Variants in MBTPS2 observed in about 807,000 individuals in gnomAD.
MBTPS2 encodes the protein membrane bound transcription factor peptidase, site 2.
In MBTPS2, 2 loss-of-function variants were observed where a neutral mutation model predicts 35.4. The ratio of observed to expected loss-of-function variants is 0.06; its 90% CI spans 0.02 to 0.18. The LOEUF (loss-of-function observed/expected upper bound fraction) is 0.18. Among genes scored for constraint, MBTPS2 ranks in the 10% least tolerant of loss-of-function variants. MBTPS2 has a pLI of 1.00. For missense variants in MBTPS2, 244 were observed against 386.5 expected (o/e 0.63, Z 3.09); for synonymous variants, 125 against 140.4 (o/e 0.89, Z 0.77).
At chrX:21,869,949 A>G (rs2092945137) in intron 7 of MBTPS2, 1 of 284,591 alleles carries the variant, frequency 3.5e-6, no homozygotes, top group Non-Finnish European at 6.3e-6. Flanking sequence ...AAACACTTGT[A>G]TTAAATCATA....
chrX:21,849,940 C>T (rs750303295), intron 3 of MBTPS2, among the ~76,000 whole-genome samples: 90 of 103,435 alleles, frequency 8.7e-4, no homozygotes, highest in Non-Finnish European at 1.3e-3. Context: ...AGCAGGAGAA[C>T]GGCGTGAACC....
chrX:21,850,771 T>A (rs1018893315), intron 3 of MBTPS2, among the ~76,000 whole-genome samples: 1 of 112,047 alleles, frequency 8.9e-6, no homozygotes, highest in African/African-American at 3.2e-5. Flanking sequence ...TAGGAGCACA[T>A]GATTGTAAGA....
intron 10 of MBTPS2, 23 bp downstream of exon 10, chrX:21,880,995 T>A: frequency 9.1e-7 from 1 of 1,104,095 alleles, no homozygotes; most frequent in Non-Finnish European, 1.3e-6. Context: ...GTGTGAAACA[T>A]GTTTTAAAAG....
In MBTPS2 at chrX:21,868,522, C is replaced by T; in HGVS notation, c.726C>T (p.Leu242=). Reference sequence around the variant, plus strand: ...TGGGTATTTTAGCTCTTGTTCTCCTCCCAGTAATTCTCTTGCCATTTTACT... The same window carrying T: ...TGGGTATTTTAGCTCTTGTTCTCCTTCCAGTAATTCTCTTGCCATTTTACT... ...ALLGILALVL[L]PVILLPFYYT... Residue 242 remains leucine, a synonymous_variant, in exon 6 of 11, where the codon CTC becomes CTT. Coordinates refer to ENST00000379484, the MANE Select transcript of MBTPS2 (RefSeq NM_015884.4). The T allele has an allele frequency of 8.3e-7, 1 of 1,210,341 alleles. No homozygotes were observed. Among genetic ancestry groups the T allele is most frequent in the Non-Finnish European group, 1.1e-6 (1 of 894,338 alleles).
At chrX:21,879,949 CTTTTTT>C (rs60769329) in intron 9 of MBTPS2, among the ~76,000 whole-genome samples, 1 of 47,425 alleles carries the variant, frequency 2.1e-5, no homozygotes, top group African/African-American at 1.3e-4. Flanking sequence ...TTATGTTATT[CTTTTTT>C]TTTTTTTTTT....
chrX:21,881,421 A>G lies in MBTPS2; in HGVS notation c.1337+449A>G, dbSNP rs938655098. 2.5e-4 allele frequency among the ~76,000 whole-genome samples: 28 copies of G among 111,686 alleles called. 1 individual carries two copies. Among genetic ancestry groups the G allele is most frequent in the African/African-American group, 8.5e-4 (26 of 30,717 alleles). ...GCTGGTTTCAACTACTAAGATAGCA[A>G]TTCAGAGGGCCAAATCTTATTGTGG... is the stretch of plus-strand genomic sequence containing the variant. On this transcript the variant is annotated intron_variant, in intron 10 of 10. Coordinates refer to ENST00000379484, the MANE Select transcript of MBTPS2 (RefSeq NM_015884.4).
chrX:21,882,332 G>A lies in MBTPS2; in HGVS notation c.1338-101G>A, dbSNP rs978883868. The A allele has an allele frequency of 7.4e-5, 46 of 624,188 alleles. No individual in the cohort carries two copies. In the Admixed American group the frequency reaches 1.0e-3, roughly 14 times the overall value. The allele number at this position is 624,188 out of a possible 1,213,427, so 51.4% of individuals were successfully genotyped here. Reference sequence around the variant, plus strand: ...TTTAAAGAAAGTAGAGAAGTCAAGTGTAATCTCTAATTCAGTCACAGTAAA... The same window carrying A: ...TTTAAAGAAAGTAGAGAAGTCAAGTATAATCTCTAATTCAGTCACAGTAAA... On this transcript the variant is annotated intron_variant, in intron 10 of 10. Coordinates refer to ENST00000379484, the MANE Select transcript of MBTPS2 (RefSeq NM_015884.4).
At chrX:21,882,285 A>T (rs1310186047) in intron 10 of MBTPS2, 148 bp from the exon 11 acceptor site, 4 of 495,968 alleles carry the variant, frequency 8.1e-6, no homozygotes, top group Admixed American at 3.2e-5. Context: ...AGTAGTAGAG[A>T]TCTAAGAAGG....
chrX:21,871,452 C>A (rs952368937), intron 7 of MBTPS2: 2 of 111,757 alleles, frequency 1.8e-5, no homozygotes, highest in Non-Finnish European at 3.8e-5. Context: ...TCTAAGCAGT[C>A]CACTTTTAGG....
intron 5 of MBTPS2, among the ~76,000 whole-genome samples, chrX:21,859,171 T>G (rs896226609): frequency 1.1e-5 from 1 of 93,810 alleles, no homozygotes; most frequent in African/African-American, 4.6e-5. Flanking sequence ...TGTTTACAAT[T>G]TTTTTTTTAA....
At chrX:21,863,567 T>A (rs2092935850) in intron 5 of MBTPS2, among the ~76,000 whole-genome samples, 1 of 111,608 alleles carries the variant, frequency 9.0e-6, no homozygotes, top group African/African-American at 3.3e-5. Flanking sequence ...AGTAATTTTT[T>A]AAAAGCCAAT....
rs371913767 is a variant in MBTPS2, at chrX:21,851,534, A to G, written c.464A>G (p.Asn155Ser). The G allele has an allele frequency of 1.9e-5, 23 of 1,205,194 alleles. No homozygotes were observed. The highest frequency in any genetic ancestry group is 1.2e-5 in the Non-Finnish European group (11 of 891,307). The part of the protein sequence containing the change: ...VVVPGINLPV[N>S]QLTYFFTAVL... Reference sequence around the variant, plus strand: ...GTTCCTGGTATAAATTTACCCGTCAATCAACTGACCTATTTCTTCACGGCA... The same window carrying G: ...GTTCCTGGTATAAATTTACCCGTCAGTCAACTGACCTATTTCTTCACGGCA... Residue 155 changes from asparagine to serine, a missense_variant, in exon 4 of 11, where the codon AAT becomes AGT. Physicochemically the swap from Asn to Ser is conservative, Grantham distance 46 (BLOSUM62 1). Transcript: ENST00000379484.
At position 21,878,513 on chromosome X, in the gene MBTPS2, C is replaced by T; in HGVS notation, c.1082C>T (p.Ala361Val). The change falls in exon 9 of 11, where the codon GCC becomes GTC. Residue 361 changes from alanine to valine, a missense_variant. By Grantham distance (64) the Ala-to-Val change is moderately conservative (BLOSUM62 0). Transcript: ENST00000379484. ...FNKRLHTCLP[A>V]RKAVEATQVC... ...TATTTATAGCATACATGTCTTCCTGCCCGGAAAGCAGTTGAAGCAACTCAA... is the reference window on the plus strand; with the variant it reads ...TATTTATAGCATACATGTCTTCCTGTCCGGAAAGCAGTTGAAGCAACTCAA... 8.3e-7 allele frequency: 1 copy of T among 1,204,778 alleles called. No homozygotes were observed. The highest frequency in any genetic ancestry group is 1.1e-6 in the Non-Finnish European group (1 of 889,511).
chrX:21,868,070 T>G (rs764430631), intron 5 of MBTPS2, among the ~76,000 whole-genome samples: 4 of 112,135 alleles, frequency 3.6e-5, no homozygotes, highest in Non-Finnish European at 7.5e-5. Context: ...AAGTACCATT[T>G]GAGTTTCTGT....
chrX:21,855,428 TAAAG>T (rs1219338749), intron 5 of MBTPS2, among the ~76,000 whole-genome samples: 1 of 110,134 alleles, frequency 9.1e-6, no homozygotes, highest in Non-Finnish European at 1.9e-5. Context: ...AGAAAGTTGA[TAAAG>T]AACGCCCTTT....
chrX:21,867,576 T>C (rs997335295), intron 5 of MBTPS2, among the ~76,000 whole-genome samples: 1 of 109,277 alleles, frequency 9.2e-6, no homozygotes, highest in Non-Finnish European at 1.9e-5. Context: ...AAAAGATTAA[T>C]GAATTTGAGT....
intron 3 of MBTPS2, 124 bp downstream of exon 3, chrX:21,845,508 A>C: frequency 8.9e-6 from 6 of 671,549 alleles, no homozygotes; most frequent in Non-Finnish European, 6.4e-6. Context: ...CATAATTTTC[A>C]AATTACCTGC....
intron 5 of MBTPS2, chrX:21,856,206 G>T (rs1311161397): frequency 9.4e-6 from 3 of 320,013 alleles, no homozygotes; most frequent in Non-Finnish European, 1.6e-5. Context: ...CGACAGACGC[G>T]CCAGTTGCCT....
At chrX:21,877,049 A>C (rs753026623) in intron 7 of MBTPS2, among the ~76,000 whole-genome samples, 1 of 112,229 alleles carries the variant, frequency 8.9e-6, no homozygotes, top group South Asian at 3.7e-4. Context: ...TGCAGCAAAC[A>C]TTCCTAAATA....
Sources: gnomAD v4.1 joint callset for allele counts (sites outside exome capture counted in the v4.1 genomes callset) on GRCh38, gnomAD v4.1.1 for gene constraint, MANE v1.5 for transcripts, NCBI Gene and HGNC (gene_info 2026-07-23, HGNC 2026-07-21) for gene names.